The following ZFHX4 variants were observed in gnomAD, a reference collection of about 807,000 sequenced individuals.
ZFHX4 encodes the protein zinc finger homeobox protein 4.
ZFHX4 carries 56 observed loss-of-function variants against 267.6 expected under a neutral mutation model. That is an observed-to-expected ratio of 0.21 (90% confidence interval 0.17 to 0.26). The LOEUF is 0.26. Among genes scored for constraint, ZFHX4 ranks in the 10% least tolerant of loss-of-function variants. ZFHX4 has a pLI of 1.00. For missense variants in ZFHX4, 4,332 were observed against 4,420.0 expected, an observed-to-expected ratio of 0.98 and a Z score of 0.56; for synonymous variants, 1,778 against 1,665.6, an observed-to-expected ratio of 1.07 and a Z score of -1.64.
rs536974685 is a variant in ZFHX4 at position 76,778,490 on chromosome 8, A to ATC, written c.3325+52_3325+53dup. On this transcript the variant is annotated intron_variant, in intron 4 of 10. Coordinates refer to ENST00000651372, the MANE Select transcript of ZFHX4 (RefSeq NM_024721.5). Reference sequence around the variant, plus strand: ...TCTGAGCCTCCCTCCACACCACTTCATCACACACACACACACACAAACACA... The same window carrying ATC: ...TCTGAGCCTCCCTCCACACCACTTCATCTCACACACACACACACACAAACACA... The ATC allele has an allele frequency of 1.2e-3, 1,621 of 1,365,456 alleles. 2 individuals are homozygous for ATC. Among genetic ancestry groups the ATC allele is most frequent in the Non-Finnish European group, 1.6e-3 (1,495 of 958,022 alleles). 84.6% of individuals were successfully genotyped at this position (1,365,456 alleles called of 1,614,324 possible). A position where few individuals can be genotyped will look rare whatever the true frequency, so the allele number is the denominator to read the frequency against.
intron 3 of ZFHX4, among the ~76,000 whole-genome samples, chr8:76,708,465 T>C (rs1009429873): frequency 6.6e-6 from 1 of 152,166 alleles, no homozygotes; most frequent in Non-Finnish European, 1.5e-5. Flanking sequence ...AATATTTTGT[T>C]TGGTGACAAA....
intron 3 of ZFHX4, among the ~76,000 whole-genome samples, chr8:76,757,240 G>C (rs1225492013): frequency 6.6e-6 from 1 of 152,154 alleles, no homozygotes; most frequent in African/African-American, 2.4e-5. Context: ...TTGCAATATA[G>C]TGTGACAAGA....
In ZFHX4 at chr8:76,864,393, G is replaced by A. The variant is rs763186829; in HGVS notation, c.10679G>A (p.Ser3560Asn). 1 of 1,613,778 alleles carries A rather than the reference G, an allele frequency of 6.2e-7. No individual in the cohort carries two copies. Among genetic ancestry groups the A allele is most frequent in the Non-Finnish European group, 8.5e-7 (1 of 1,179,864 alleles). ...TCAACGGTTACCTCAAGTTTGTGCA[G>A]CACCTCAGGGGTTCAAACCTCACTA... ...LPSTVTSSLC[S>N]TSGVQTSLPT... The change falls in exon 11 of 11, where the codon AGC becomes AAC. Residue 3560 changes from serine to asparagine, a missense_variant. Ser to Asn is a conservative substitution (Grantham distance 46). Coordinates refer to ENST00000651372, the MANE Select transcript of ZFHX4 (RefSeq NM_024721.5).
chr8:76,860,605 T>C (rs757416590), intron 10 of ZFHX4, among the ~76,000 whole-genome samples: 2 of 152,102 alleles, frequency 1.3e-5, no homozygotes, highest in African/African-American at 4.8e-5. Flanking sequence ...AAATTATTTA[T>C]GAGGAAGTTG....
chr8:76,740,854 T>C (rs940949073), intron 3 of ZFHX4, among the ~76,000 whole-genome samples: 1 of 152,054 alleles, frequency 6.6e-6, no homozygotes, highest in Non-Finnish European at 1.5e-5. Flanking sequence ...ATGAGTACAG[T>C]TTGTAGCACA....
At chr8:76,830,327 A>G (rs1192250487) in intron 4 of ZFHX4, among the ~76,000 whole-genome samples, 4 of 152,240 alleles carry the variant, frequency 2.6e-5, no homozygotes, top group Non-Finnish European at 5.9e-5. Flanking sequence ...AACTAAGTCA[A>G]TGGCATTTTT....
At chr8:76,738,223 C>T (rs1809216251) in intron 3 of ZFHX4, among the ~76,000 whole-genome samples, 1 of 152,088 alleles carries the variant, frequency 6.6e-6, no homozygotes, top group Non-Finnish European at 1.5e-5. Context: ...TGCCCCTGAA[C>T]CCTAGGTGCC....
At chr8:76,759,631 G>A (rs941367428) in intron 3 of ZFHX4, among the ~76,000 whole-genome samples, 2 of 152,260 alleles carry the variant, frequency 1.3e-5, no homozygotes, top group African/African-American at 4.8e-5. Flanking sequence ...TGATCATCTG[G>A]CTAAGTTTAG....
intron 5 of ZFHX4, among the ~76,000 whole-genome samples, chr8:76,835,738 G>T (rs1021227140): frequency 1.4e-4 from 22 of 151,966 alleles, no homozygotes; most frequent in African/African-American, 4.8e-4. Context: ...TGACCCAGCA[G>T]TGATATGGCA....
intron 1 of ZFHX4, among the ~76,000 whole-genome samples, chr8:76,696,634 C>CAAAAAAAAAAAAAA (rs34436337): frequency 9.8e-6 from 1 of 102,142 alleles, no homozygotes; most frequent in Non-Finnish European, 2.3e-5. Flanking sequence ...ACTTTCAGGC[C>CAAAAAAAAAAAAAA]AAAAAAAAAA....
chr8:76,784,310 C>A (rs1044839237), intron 4 of ZFHX4, among the ~76,000 whole-genome samples: 2 of 151,110 alleles, frequency 1.3e-5, no homozygotes, highest in Non-Finnish European at 3.0e-5. Flanking sequence ...TAAGTTTTAC[C>A]AGGTTTAGAC....
chr8:76,790,561 A>G (rs2131804528), intron 4 of ZFHX4, among the ~76,000 whole-genome samples: 1 of 152,298 alleles, frequency 6.6e-6, no homozygotes, highest in East Asian at 1.9e-4. Context: ...TACATAAAGA[A>G]TTATTGGCTT....
intron 3 of ZFHX4, among the ~76,000 whole-genome samples, chr8:76,709,296 C>CTG (rs1271223382): frequency 6.6e-6 from 1 of 152,142 alleles, no homozygotes; most frequent in African/African-American, 2.4e-5. Flanking sequence ...TATTGGCACT[C>CTG]TGTGGATCAA....
chr8:76,753,259 A>T (rs984813584), intron 3 of ZFHX4, among the ~76,000 whole-genome samples: 1 of 152,152 alleles, frequency 6.6e-6, no homozygotes, highest in African/African-American at 2.4e-5. Flanking sequence ...TTGGAATTAT[A>T]TCCCCTACCT....
chr8:76,751,509 T>A (rs374100349), intron 3 of ZFHX4, among the ~76,000 whole-genome samples: 39 of 152,292 alleles, frequency 2.6e-4, no homozygotes, highest in African/African-American at 8.4e-4. Context: ...GGCAGGCCAG[T>A]TAGAACCTAT....
In ZFHX4 at chr8:76,853,853, A is replaced by G; in HGVS notation, c.6932A>G (p.Gln2311Arg). The part of the protein sequence containing the change: ...NERYIRTSNM[Q>R]YQCKKCNVVF... ...CGGTACATTCGAACAAGCAACATGC[A>G]GTACCAGTGTAAAAAGTGCAATGTG... The change falls in exon 10 of 11, where the codon CAG (glutamine) becomes CGG (arginine). Residue 2311 changes from glutamine to arginine, a missense_variant. Transcript: ENST00000651372. The G allele has an allele frequency of 6.2e-7, 1 of 1,613,998 alleles. No individual in the cohort carries two copies. Among genetic ancestry groups the G allele is most frequent in the Non-Finnish European group, 8.5e-7 (1 of 1,179,888 alleles).
intron 3 of ZFHX4, among the ~76,000 whole-genome samples, chr8:76,753,450 C>T (rs1453973091): frequency 6.6e-6 from 1 of 151,826 alleles, no homozygotes; most frequent in Non-Finnish European, 1.5e-5. Context: ...TAAAAGGAAA[C>T]AAATTAGCCA....
intron 1 of ZFHX4, chr8:76,683,014 C>G (rs1585843136): frequency 6.6e-6 from 1 of 152,346 alleles, no homozygotes; most frequent in East Asian, 1.9e-4. Flanking sequence ...TCCCCTTCCC[C>G]TAGAAGACGG....
intron 3 of ZFHX4, among the ~76,000 whole-genome samples, chr8:76,728,862 G>A (rs563257825): frequency 6.6e-6 from 1 of 152,250 alleles, no homozygotes; most frequent in East Asian, 1.9e-4. Context: ...ATTGAAATAA[G>A]TGATTTTGGT....
Sources: allele counts gnomAD v4.1 joint callset (sites outside exome capture counted in the v4.1 genomes callset), GRCh38; gene constraint gnomAD v4.1.1; transcripts MANE v1.5; gene names NCBI Gene and HGNC (gene_info 2026-07-23, HGNC 2026-07-21).